NHSL2: variants seen among roughly 807,000 people sequenced by gnomAD.
NHSL2 encodes NHS-like protein 2.
A neutral mutation model predicts 53.4 loss-of-function variants in NHSL2; 27 were observed. The observed-to-expected ratio is 0.51, with a 90% confidence interval of 0.37 to 0.70. The LOEUF (loss-of-function observed/expected upper bound fraction) is 0.70. Ranked by LOEUF, NHSL2 falls within the 30% of genes least tolerant of loss-of-function variation. NHSL2 has a pLI of 0.00. For missense variants in NHSL2, 892 were observed against 980.1 expected (o/e 0.91, Z 1.20); for synonymous variants, 408 against 404.1 (o/e 1.01, Z -0.12).
chrX:72,100,824 A>G (rs1035871868), intron 1 of NHSL2, among the ~76,000 whole-genome samples: 1 of 112,062 alleles, frequency 8.9e-6, no homozygotes, highest in African/African-American at 3.2e-5. Flanking sequence ...AAGGTTGGGG[A>G]CTGCTGTGTT....
chrX:72,151,073 T>C lies in NHSL2; in HGVS notation c.*7499T>C, dbSNP rs1339274815. 9.0e-6 allele frequency: 1 copy of C among 111,291 alleles called. No homozygotes were observed. The highest frequency in any genetic ancestry group is 2.8e-4 in the East Asian group (1 of 3,553). 9.2% of individuals were successfully genotyped at this position (111,291 alleles called of 1,213,427 possible). A position where few individuals can be genotyped will look rare whatever the true frequency, so the allele number is the denominator to read the frequency against. Reference sequence around the variant, plus strand: ...CTCTGTAGCCAGGCTGGAGGGCAATTGTACAATCTCGGCTCATTACAACCT... The same window carrying C: ...CTCTGTAGCCAGGCTGGAGGGCAATCGTACAATCTCGGCTCATTACAACCT... On this transcript the variant is annotated 3_prime_UTR_variant, in exon 8 of 8. Coordinates refer to ENST00000633930, the MANE Select transcript of NHSL2 (RefSeq NM_001013627.3).
At chrX:72,011,269 G>A (rs149875188) in intron 1 of NHSL2, among the ~76,000 whole-genome samples, 149 of 112,417 alleles carry the variant, frequency 1.3e-3, no homozygotes, top group Middle Eastern at 4.6e-3. Flanking sequence ...AAACCTTCAC[G>A]TAACAGGTTT....
chrX:72,067,920 C>T (rs1297195716), intron 1 of NHSL2, among the ~76,000 whole-genome samples: 1 of 112,363 alleles, frequency 8.9e-6, no homozygotes, highest in Non-Finnish European at 1.9e-5. Flanking sequence ...GGAGACTCAA[C>T]AGGAGAGGTT....
rs768858890 is a variant in NHSL2 at position 72,074,652 on chromosome X, G to A, written c.281-57427G>A. Among the ~76,000 whole-genome samples the A allele has an allele frequency of 1.1e-3, 125 of 112,426 alleles. 1 individual carries two copies. Among genetic ancestry groups the A allele is most frequent in the African/African-American group, 3.8e-3 (119 of 30,923 alleles). ...GGCCACCCTAATGTCAAATACAAGGGGAATGGCAAAATAAAGATGTTGCAT... is the reference window on the plus strand; with the variant it reads ...GGCCACCCTAATGTCAAATACAAGGAGAATGGCAAAATAAAGATGTTGCAT... On this transcript the variant is annotated intron_variant, in intron 1 of 7. Coordinates refer to ENST00000633930, the MANE Select transcript of NHSL2 (RefSeq NM_001013627.3).
At chrX:71,923,102 T>C (rs2041667873) in intron 1 of NHSL2, among the ~76,000 whole-genome samples, 1 of 111,450 alleles carries the variant, frequency 9.0e-6, no homozygotes, top group East Asian at 2.8e-4. Flanking sequence ...AAGGAGAAGG[T>C]TCTCTTTGTC....
chrX:72,035,273 A>G (rs1291320042), intron 1 of NHSL2, among the ~76,000 whole-genome samples: 29 of 111,354 alleles, frequency 2.6e-4, no homozygotes, highest in Admixed American at 2.4e-3. Flanking sequence ...ACTCAGTGTG[A>G]CTTCAAATAT....
chrX:72,093,725 T>TTGCTTGCTTG (rs1569479425), intron 1 of NHSL2, among the ~76,000 whole-genome samples: 977 of 54,042 alleles, frequency 0.018, 13 homozygotes, highest in African/African-American at 0.045. Context: ...TTGCTTGCTT[T>TTGCTTGCTTG]CTTTCTTTCT....
At chrX:72,019,020 T>G (rs1331879465) in intron 1 of NHSL2, among the ~76,000 whole-genome samples, 8 of 112,744 alleles carry the variant, frequency 7.1e-5, no homozygotes, top group African/African-American at 2.3e-4. Context: ...CCCAAGCTTT[T>G]GAGCAGGGAT....
At chrX:72,076,824 C>G (rs1476642185) in intron 1 of NHSL2, among the ~76,000 whole-genome samples, 1 of 111,869 alleles carries the variant, frequency 8.9e-6, no homozygotes. Context: ...TCATTTCTCT[C>G]AATAGCAGAT....
rs181593792 is a variant in NHSL2 at position 71,962,586 on chromosome X, T to A, written c.280+51219T>A. ...GTTCTCTTATAATTTTTTTAAAATTTCTGTAAGGTTGGTAGCAATGTCCCC... is the reference window on the plus strand; with the variant it reads ...GTTCTCTTATAATTTTTTTAAAATTACTGTAAGGTTGGTAGCAATGTCCCC... On this transcript the variant is annotated intron_variant, in intron 1 of 7. Transcript: ENST00000633930. Among the ~76,000 whole-genome samples, 74 of 109,258 alleles carry A rather than the reference T, an allele frequency of 6.8e-4. 2 individuals are homozygous for A. In the Admixed American group the frequency reaches 6.9e-3, roughly 10 times the overall value. The allele number at this position is 109,258 out of a possible 115,157, so 94.9% of individuals were successfully genotyped here. A position where few individuals can be genotyped will look rare whatever the true frequency, so the allele number is the denominator to read the frequency against.
rs772901409 is a variant in NHSL2 at position 72,087,872 on chromosome X, G to A, written c.281-44207G>A. Among the ~76,000 whole-genome samples, 777 of 109,530 alleles carry A rather than the reference G, an allele frequency of 7.1e-3. 2 individuals are homozygous for A. The highest frequency in any genetic ancestry group is 0.011 in the Non-Finnish European group (560 of 52,549). On this transcript the variant is annotated intron_variant, in intron 1 of 7. Transcript: ENST00000633930. ...GGATGACAGAGCAAGACTCCATCTCGAGAAACAAACAAATAAACAAAAAAA... is the reference window on the plus strand; with the variant it reads ...GGATGACAGAGCAAGACTCCATCTCAAGAAACAAACAAATAAACAAAAAAA...
At chrX:72,023,924 G>A (rs1351763081) in intron 1 of NHSL2, among the ~76,000 whole-genome samples, 3 of 111,439 alleles carry the variant, frequency 2.7e-5, no homozygotes, top group African/African-American at 9.8e-5. Context: ...AAATGGAACC[G>A]ACGGGAACTG....
chrX:71,946,570 T>A (rs945376383), intron 1 of NHSL2, among the ~76,000 whole-genome samples: 1 of 111,625 alleles, frequency 9.0e-6, no homozygotes, highest in Non-Finnish European at 1.9e-5. Flanking sequence ...GTCGTCTGGC[T>A]CCACTTTCAC....
chrX:72,111,837 G>A (rs1318988401), intron 1 of NHSL2, among the ~76,000 whole-genome samples: 1 of 111,683 alleles, frequency 9.0e-6, no homozygotes, highest in Non-Finnish European at 1.9e-5. Context: ...GACCAAGACA[G>A]ACAAGATCCT....
chrX:72,029,037 G>T (rs1270018338), intron 1 of NHSL2, among the ~76,000 whole-genome samples: 1 of 111,893 alleles, frequency 8.9e-6, no homozygotes, highest in Non-Finnish European at 1.9e-5. Context: ...TGGCTCTTGG[G>T]TGGTCCTTTG....
intron 1 of NHSL2, among the ~76,000 whole-genome samples, chrX:71,987,198 G>A (rs930572767): frequency 9.1e-6 from 1 of 110,097 alleles, no homozygotes; most frequent in African/African-American, 3.4e-5. Context: ...GCGACAGAGC[G>A]AGACTCCGTA....
chrX:71,943,826 C>G (rs182979633), intron 1 of NHSL2, among the ~76,000 whole-genome samples: 70 of 112,262 alleles, frequency 6.2e-4, no homozygotes, highest in Non-Finnish European at 2.4e-4. Flanking sequence ...TTATTTTTTG[C>G]ATAACAAAAA....
intron 1 of NHSL2, among the ~76,000 whole-genome samples, chrX:72,090,952 T>C (rs1249775639): frequency 1.8e-5 from 2 of 112,175 alleles, no homozygotes; most frequent in Non-Finnish European, 3.8e-5. Flanking sequence ...CTTAGCTACA[T>C]AATTATTATT....
rs768479023 is a variant in NHSL2, at chrX:72,035,363, A to G, written c.281-96716A>G. 2.4e-3 allele frequency among the ~76,000 whole-genome samples: 261 copies of G among 109,558 alleles called. 1 individual carries two copies. The highest frequency in any genetic ancestry group is 8.5e-3 in the African/African-American group (256 of 30,243). On this transcript the variant is annotated intron_variant, in intron 1 of 7. Transcript: ENST00000633930. ...TCGTTGGGTGGAGGGTTCTTTGTAT[A>G]TGTCAGTTACATCTCTCGGATTGAT... is the stretch of plus-strand genomic sequence containing the variant.
Sources: gnomAD v4.1 joint callset for allele counts (sites outside exome capture counted in the v4.1 genomes callset) on GRCh38, gnomAD v4.1.1 for gene constraint, MANE v1.5 for transcripts, NCBI Gene and HGNC (gene_info 2026-07-23, HGNC 2026-07-21) for gene names.